The following CCL26 variants were observed in gnomAD, a reference collection of about 807,000 sequenced individuals.
CCL26 encodes C-C motif chemokine 26.
Under a neutral mutation model 10.7 loss-of-function variants are expected in CCL26, and 10 were observed. The ratio of observed to expected loss-of-function variants is 0.93; its 90% CI spans 0.57 to 1.58. CCL26 has a LOEUF of 1.58. Among genes scored for constraint, CCL26 ranks in the 40% most tolerant of loss-of-function variants. CCL26 has a pLI of 0.00. For synonymous variants in CCL26, 43 were observed against 41.4 expected (o/e 1.04, Z -0.15); for missense variants, 116 against 111.0 (o/e 1.05, Z -0.20).
At chr7:75,773,321 G>C (rs543877425), upstream of CCL26, among the ~76,000 whole-genome samples, 1 of 152,170 alleles carries the variant, frequency 6.6e-6, no homozygotes, top group South Asian at 2.1e-4. Flanking sequence ...CTACTAGGGA[G>C]GCTGAGGCAG....
At chr7:75,784,498 A>G (rs187364582) in intron 1 of CCL26, among the ~76,000 whole-genome samples, 181 of 152,228 alleles carry the variant, frequency 1.2e-3, no homozygotes, top group African/African-American at 4.1e-3. Flanking sequence ...CTTAATCAAT[A>G]CAGAGGCTAC....
chr7:75,786,273 A>T (rs542118605), intron 1 of CCL26, among the ~76,000 whole-genome samples: 4 of 152,124 alleles, frequency 2.6e-5, no homozygotes, highest in Admixed American at 2.6e-4. Flanking sequence ...CCCTGATCAC[A>T]TTTGGTTTAT....
intron 1 of CCL26, among the ~76,000 whole-genome samples, chr7:75,778,848 T>TCAG (rs59030718): frequency 5.4e-5 from 8 of 149,142 alleles, no homozygotes; most frequent in Admixed American, 4.7e-4. Context: ...GAGGCCAAGG[T>TCAG]GGGGGGGGCA....
At chr7:75,788,886 G>C (rs1219993139) in intron 1 of CCL26, among the ~76,000 whole-genome samples, 3 of 151,752 alleles carry the variant, frequency 2.0e-5, no homozygotes, top group Non-Finnish European at 4.4e-5. Flanking sequence ...GAAATTCTTT[G>C]AGTTGTACTC....
intron 1 of CCL26, among the ~76,000 whole-genome samples, chr7:75,786,517 T>A (rs1365225190): frequency 1.3e-5 from 2 of 152,152 alleles, no homozygotes; most frequent in Non-Finnish European, 2.9e-5. Context: ...AAAGGTTTCC[T>A]CCCTCGTAAG....
At chr7:75,785,299 G>A (rs1341806903) in intron 1 of CCL26, among the ~76,000 whole-genome samples, 1 of 152,062 alleles carries the variant, frequency 6.6e-6, no homozygotes, top group Non-Finnish European at 1.5e-5. Flanking sequence ...AGGCTTCAGG[G>A]ACAGCCCTCA....
At chr7:75,784,055 A>G (rs1803127229) in intron 1 of CCL26, among the ~76,000 whole-genome samples, 1 of 152,226 alleles carries the variant, frequency 6.6e-6, no homozygotes, top group Non-Finnish European at 1.5e-5. Context: ...GAGGAAGCCA[A>G]GTAGCAATGT....
chr7:75,770,057 C>T (rs1313147353), intron 2 of CCL26, among the ~76,000 whole-genome samples: 1 of 145,108 alleles, frequency 6.9e-6, no homozygotes, highest in Non-Finnish European at 1.5e-5. Context: ...GTAACCTGCA[C>T]CAGGACACTT....
chr7:75,780,649 C>T (rs1277229179), intron 1 of CCL26, among the ~76,000 whole-genome samples: 1 of 152,134 alleles, frequency 6.6e-6, no homozygotes, highest in African/African-American at 2.4e-5. Context: ...CAGTCCCTCG[C>T]TAGTCTCTGT....
chr7:75,779,529 G>T (rs1803014219), intron 1 of CCL26, among the ~76,000 whole-genome samples: 1 of 151,956 alleles, frequency 6.6e-6, no homozygotes, highest in Non-Finnish European at 1.5e-5. Flanking sequence ...TTCAATCTTG[G>T]CACCACCCTT....
upstream of CCL26, among the ~76,000 whole-genome samples, chr7:75,790,145 T>C (rs1276609853): frequency 1.4e-5 from 2 of 140,800 alleles, no homozygotes; most frequent in East Asian, 4.3e-4. Context: ...CTCTCTCTCT[T>C]TCTGTCTCTC....
rs200168842 is a variant in CCL26 at position 75,771,963 on chromosome 7, G to T, written c.114C>A (p.Ser38Arg). ...DISKTCCFQY[S>R]HKPLPWTWVR... Reference sequence around the variant, plus strand: ...CCCAGGTCCAGGGAAGGGGCTTGTGGCTGTATTGGAAGCAGCAGGTCTTGG... The same window carrying T: ...CCCAGGTCCAGGGAAGGGGCTTGTGTCTGTATTGGAAGCAGCAGGTCTTGG... Residue 38 changes from serine to arginine, a missense_variant, in exon 2 of 3, where the codon AGC (serine) becomes AGA (arginine). Physicochemically the swap from Ser to Arg is moderately radical, Grantham distance 110. Transcript: ENST00000005180. 1.8e-4 allele frequency: 285 copies of T among 1,614,120 alleles called. No individual in the cohort carries two copies. In the South Asian group the frequency reaches 2.5e-3, roughly 14 times the overall value.
At chr7:75,788,494 C>T (rs1554530299) in intron 1 of CCL26, among the ~76,000 whole-genome samples, 1 of 151,758 alleles carries the variant, frequency 6.6e-6, no homozygotes, top group African/African-American at 2.4e-5. Context: ...CGCCTGCACC[C>T]AGGTGACTAA....
upstream of CCL26, among the ~76,000 whole-genome samples, chr7:75,772,562 C>G (rs1802848803): frequency 6.6e-6 from 1 of 150,986 alleles, no homozygotes; most frequent in Admixed American, 6.7e-5. Context: ...GAGGGTGAGG[C>G]AGGAGAATCA....
upstream of CCL26, among the ~76,000 whole-genome samples, chr7:75,773,721 C>T (rs2115646986): frequency 6.6e-6 from 1 of 151,874 alleles, no homozygotes; most frequent in African/African-American, 2.4e-5. Context: ...ACTAAAAATA[C>T]AAAAATTAGC....
At chr7:75,788,999 C>A (rs1803263294) in intron 1 of CCL26, among the ~76,000 whole-genome samples, 1 of 151,968 alleles carries the variant, frequency 6.6e-6, no homozygotes, top group Non-Finnish European at 1.5e-5. Flanking sequence ...TAGCTCACTG[C>A]AGCCTCAACT....
At chr7:75,788,414 T>C (rs1481487441) in intron 1 of CCL26, among the ~76,000 whole-genome samples, 4 of 152,096 alleles carry the variant, frequency 2.6e-5, no homozygotes, top group Admixed American at 6.6e-5. Context: ...AATTTTCCAT[T>C]ACCTACCCAA....
upstream of CCL26, among the ~76,000 whole-genome samples, chr7:75,790,190 T>TCTTTCTTC (rs1563342402): frequency 6.7e-4 from 53 of 79,116 alleles, no homozygotes; most frequent in Non-Finnish European, 1.2e-3. Context: ...TTTCTTTCTT[T>TCTTTCTTC]CTTTCTTTCT....
chr7:75,780,851 C>A (rs368312199), intron 1 of CCL26, among the ~76,000 whole-genome samples: 26 of 152,280 alleles, frequency 1.7e-4, no homozygotes, highest in African/African-American at 6.0e-4. Context: ...CTCCCCCACC[C>A]TACAATCCTT....
Sources: gnomAD v4.1 joint callset for allele counts (sites outside exome capture counted in the v4.1 genomes callset) on GRCh38, gnomAD v4.1.1 for gene constraint, MANE v1.5 for transcripts, NCBI Gene and HGNC (gene_info 2026-07-23, HGNC 2026-07-21) for gene names.